Variants in DLG2 observed in about 807,000 individuals in gnomAD.
The protein encoded by DLG2 is discs large MAGUK scaffold protein 2, also known as disks large homolog 2.
A neutral mutation model predicts 132.5 loss-of-function variants in DLG2; 45 were observed. The ratio of observed to expected loss-of-function variants is 0.34; its 90% confidence interval spans 0.27 to 0.44. DLG2 has a LOEUF of 0.44. DLG2 is among the 20% of genes least tolerant of loss of function. The pLI, the probability that DLG2 is intolerant of heterozygous loss-of-function variation, is 1.00. For synonymous variants in DLG2, 424 were observed against 419.6 expected (o/e 1.01, Z -0.13); for missense variants, 1,045 against 1,196.9 (o/e 0.87, Z 1.87).
chr11:85,124,241 TTTAAC>T lies in DLG2; in HGVS notation c.283-12511_283-12507del, dbSNP rs1199015257. On this transcript the variant is annotated intron_variant, in intron 5 of 27. Coordinates refer to ENST00000376104, the MANE Select transcript of DLG2 (RefSeq NM_001142699.3). ...CAAAGGTGATCCTCTTAGATCTTCT[TTTAAC>T]TTAAGTTTGCTTAAGTATTTATGTG... Among the ~76,000 whole-genome samples the T allele has an allele frequency of 3.9e-5, 6 of 152,248 alleles. No individual in the cohort carries two copies. In the East Asian group the frequency reaches 1.2e-3, roughly 29 times the overall value.
At chr11:84,962,036 GAAC>G (rs1055581439) in intron 6 of DLG2, among the ~76,000 whole-genome samples, 3 of 152,180 alleles carry the variant, frequency 2.0e-5, no homozygotes, top group African/African-American at 7.2e-5. Flanking sequence ...GACAAATTGA[GAAC>G]AACAAGAATT....
At chr11:83,710,003 T>C (rs1337430969) in intron 18 of DLG2, among the ~76,000 whole-genome samples, 1 of 152,092 alleles carries the variant, frequency 6.6e-6, no homozygotes, top group Non-Finnish European at 1.5e-5. Flanking sequence ...TTGTGAAAGA[T>C]TTTAGAAAAA....
rs549817072 is a variant in DLG2, at chr11:85,458,780, C to T, written c.40+139877G>A. Among the ~76,000 whole-genome samples the T allele has an allele frequency of 5.9e-5, 9 of 152,286 alleles. No homozygotes were observed. In the South Asian group the frequency reaches 1.9e-3, roughly 32 times the overall value. ...CAGCCACTTAATCAACAGTGTGGCTCCTCTTTATTTCCTCATGATTGCAGC... is the reference window on the plus strand; with the variant it reads ...CAGCCACTTAATCAACAGTGTGGCTTCTCTTTATTTCCTCATGATTGCAGC... On this transcript the variant is annotated intron_variant, in intron 3 of 27. Coordinates refer to ENST00000376104, the MANE Select transcript of DLG2 (RefSeq NM_001142699.3).
chr11:84,255,948 A>G (rs868401113), intron 7 of DLG2, among the ~76,000 whole-genome samples: 21 of 152,066 alleles, frequency 1.4e-4, no homozygotes, highest in African/African-American at 5.1e-4. Flanking sequence ...TTTTCAGCAT[A>G]AGGGACTAGT....
chr11:84,048,606 T>C (rs2096286950), intron 11 of DLG2, among the ~76,000 whole-genome samples: 1 of 151,600 alleles, frequency 6.6e-6, no homozygotes, highest in South Asian at 2.1e-4. Context: ...TGAATAAACA[T>C]AGTAATTTAC....
chr11:83,950,515 A>G (rs1452120487), intron 14 of DLG2, among the ~76,000 whole-genome samples: 2 of 152,204 alleles, frequency 1.3e-5, no homozygotes, highest in Non-Finnish European at 2.9e-5. Context: ...AATAGCTTGA[A>G]TGCGAGAGAC....
intron 14 of DLG2, among the ~76,000 whole-genome samples, chr11:83,944,360 G>A (rs1186478435): frequency 6.6e-6 from 1 of 152,152 alleles, no homozygotes; most frequent in Non-Finnish European, 1.5e-5. Flanking sequence ...CTGTTTTCTT[G>A]TACACTGTTG....
chr11:83,558,624 G>A (rs771486311), intron 19 of DLG2, among the ~76,000 whole-genome samples: 1 of 152,156 alleles, frequency 6.6e-6, no homozygotes, highest in Non-Finnish European at 1.5e-5. Context: ...TAGCATGTAA[G>A]TGGGAAAGTT....
chr11:85,233,134 G>C (rs1367121677), intron 4 of DLG2, among the ~76,000 whole-genome samples: 1 of 151,674 alleles, frequency 6.6e-6, no homozygotes, highest in East Asian at 1.9e-4. Context: ...AAGGCTTTCT[G>C]CATGGGAATT....
At chr11:83,644,761 A>G (rs899835261) in intron 18 of DLG2, among the ~76,000 whole-genome samples, 2 of 152,042 alleles carry the variant, frequency 1.3e-5, no homozygotes, top group Non-Finnish European at 1.5e-5. Context: ...ATTTTTTTCT[A>G]AAAAATTGTT....
chr11:84,775,964 G>A (rs565007069), intron 6 of DLG2, among the ~76,000 whole-genome samples: 18 of 152,162 alleles, frequency 1.2e-4, no homozygotes, highest in Admixed American at 2.0e-4. Flanking sequence ...ATGTATGTGC[G>A]AAGAGCTCTT....
intron 3 of DLG2, among the ~76,000 whole-genome samples, chr11:85,548,831 C>T (rs927020938): frequency 6.6e-5 from 10 of 152,140 alleles, no homozygotes; most frequent in African/African-American, 2.4e-4. Context: ...ATGGTGGATG[C>T]CCTTCCCCCC....
intron 8 of DLG2, among the ~76,000 whole-genome samples, chr11:84,201,808 CTTTTTTTTTTTTTTTT>C (rs58905339): frequency 6.2e-5 from 4 of 64,584 alleles, no homozygotes; most frequent in East Asian, 4.9e-4. Context: ...AAACTATTTT[CTTTTTTTTTTTTTTTT>C]TTTTTTTTTT....
intron 6 of DLG2, among the ~76,000 whole-genome samples, chr11:84,833,882 G>A (rs1266480537): frequency 6.6e-6 from 1 of 151,578 alleles, no homozygotes; most frequent in South Asian, 2.1e-4. Context: ...ACTTCTCAAC[G>A]GCAACTTGCA....
At chr11:83,777,824 T>C (rs1194676557) in intron 18 of DLG2, among the ~76,000 whole-genome samples, 5 of 152,194 alleles carry the variant, frequency 3.3e-5, no homozygotes, top group African/African-American at 9.6e-5. Context: ...AATTACCTTC[T>C]TGTAATAATT....
At chr11:85,326,341 T>C (rs1368692304) in intron 3 of DLG2, among the ~76,000 whole-genome samples, 3 of 141,210 alleles carry the variant, frequency 2.1e-5, no homozygotes, top group African/African-American at 8.0e-5. Context: ...AAAGTTGAAA[T>C]GAAGGAAGAA....
At chr11:84,938,564 T>C (rs2049018218) in intron 6 of DLG2, among the ~76,000 whole-genome samples, 1 of 152,208 alleles carries the variant, frequency 6.6e-6, no homozygotes, top group Admixed American at 6.5e-5. Flanking sequence ...TGTTTCTTTC[T>C]TGTAAAGCAT....
chr11:84,671,096 A>ATTT (rs11320250), intron 6 of DLG2, among the ~76,000 whole-genome samples: 1 of 142,852 alleles, frequency 7.0e-6, no homozygotes, highest in Non-Finnish European at 1.5e-5. Context: ...GAGTACAATA[A>ATTT]TTTTTTTTTT....
At chr11:84,960,219 G>A (rs768152928) in intron 6 of DLG2, among the ~76,000 whole-genome samples, 9 of 151,840 alleles carry the variant, frequency 5.9e-5, no homozygotes, top group East Asian at 1.9e-4. Context: ...TCTTTTATTC[G>A]CCCATAAAGG....
Sources: gnomAD v4.1 joint callset for allele counts (sites outside exome capture counted in the v4.1 genomes callset) on GRCh38, gnomAD v4.1.1 for gene constraint, MANE v1.5 for transcripts, NCBI Gene and HGNC (gene_info 2026-07-23, HGNC 2026-07-21) for gene names.